MOB3B: variants seen among roughly 807,000 people sequenced by gnomAD.
The protein encoded by MOB3B is MOB kinase activator-like 2B.
MOB3B carries 7 observed loss-of-function variants against 18.7 expected under a neutral mutation model. The observed-to-expected ratio is 0.37, with a 90% CI of 0.21 to 0.70. MOB3B has a LOEUF of 0.70. Among genes scored for constraint, MOB3B ranks in the 30% least tolerant of loss-of-function variants. The pLI is 0.52. For synonymous variants in MOB3B, 111 were observed against 99.9 expected (o/e 1.11, Z -0.66); for missense variants, 253 against 281.3 (o/e 0.90, Z 0.72).
chr9:27,362,916 G>A lies in MOB3B; in HGVS notation c.419-3680C>T, dbSNP rs189512977. ...TGTTTTAAATAAACCTCAGAAGGTG[G>A]GACTTGGAAGAGGTTATCCCTTCAG... On this transcript the variant is annotated intron_variant, in intron 2 of 3. Coordinates refer to ENST00000262244, the MANE Select transcript of MOB3B (RefSeq NM_024761.5). 3.7e-3 allele frequency among the ~76,000 whole-genome samples: 568 copies of A among 152,290 alleles called. 4 individuals are homozygous for A. Among genetic ancestry groups the A allele is most frequent in the African/African-American group, 0.013 (533 of 41,546 alleles).
At chr9:27,389,678 G>A (rs1043108223) in intron 2 of MOB3B, among the ~76,000 whole-genome samples, 1 of 152,056 alleles carries the variant, frequency 6.6e-6, no homozygotes. Flanking sequence ...CTGAGGCCAG[G>A]GCTCTGTCTG....
At chr9:27,498,477 C>T (rs1040941590) in intron 1 of MOB3B, among the ~76,000 whole-genome samples, 5 of 152,088 alleles carry the variant, frequency 3.3e-5, no homozygotes, top group Non-Finnish European at 1.5e-5. Context: ...TGCAAATGCA[C>T]CTTTGGACAA....
chr9:27,515,245 A>G (rs1423993012), intron 1 of MOB3B, among the ~76,000 whole-genome samples: 3 of 152,158 alleles, frequency 2.0e-5, no homozygotes, highest in African/African-American at 7.2e-5. Flanking sequence ...GTTCTCTTGT[A>G]TCATATATAT....
chr9:27,412,015 AAAG>A (rs1282981743), intron 2 of MOB3B, among the ~76,000 whole-genome samples: 16 of 152,192 alleles, frequency 1.1e-4, no homozygotes, highest in Non-Finnish European at 1.9e-4. Context: ...TAAGATAAAA[AAAG>A]AAGATGCTTG....
intron 3 of MOB3B, among the ~76,000 whole-genome samples, chr9:27,337,085 G>A (rs916372681): frequency 1.3e-5 from 2 of 152,206 alleles, no homozygotes; most frequent in African/African-American, 4.8e-5. Flanking sequence ...ACTCAGATGG[G>A]ACATACCTGG....
chr9:27,390,991 G>C (rs1165971173), intron 2 of MOB3B, among the ~76,000 whole-genome samples: 2 of 152,200 alleles, frequency 1.3e-5, no homozygotes, highest in Admixed American at 6.5e-5. Context: ...CTCCAGAGCT[G>C]TGAGAAACTG....
At chr9:27,480,997 G>A (rs187520806) in intron 1 of MOB3B, among the ~76,000 whole-genome samples, 132 of 152,224 alleles carry the variant, frequency 8.7e-4, no homozygotes, top group African/African-American at 1.9e-3. Flanking sequence ...TAAGAATTGC[G>A]GGGAGGGATA....
At chr9:27,464,659 T>C (rs1819348696) in intron 1 of MOB3B, among the ~76,000 whole-genome samples, 1 of 152,228 alleles carries the variant, frequency 6.6e-6, no homozygotes, top group Non-Finnish European at 1.5e-5. Context: ...ATTTTCATGC[T>C]GCTGATAAAG....
At chr9:27,488,448 C>CACT (rs1294183433) in intron 1 of MOB3B, among the ~76,000 whole-genome samples, 12 of 152,146 alleles carry the variant, frequency 7.9e-5, no homozygotes, top group African/African-American at 2.9e-4. Flanking sequence ...CGCTCTGTTG[C>CACT]CCAGGCTGGA....
chr9:27,354,848 A>T (rs1821163225), intron 3 of MOB3B, among the ~76,000 whole-genome samples: 3 of 152,194 alleles, frequency 2.0e-5, no homozygotes, highest in African/African-American at 7.2e-5. Context: ...GACAGAAAAG[A>T]GGTCATGGGA....
intron 1 of MOB3B, among the ~76,000 whole-genome samples, chr9:27,528,407 C>T (rs1241289517): frequency 2.6e-5 from 4 of 152,400 alleles, no homozygotes; most frequent in African/African-American, 7.2e-5. Context: ...GAAAGCAGCA[C>T]CTTCTCGGAT....
At chr9:27,394,811 TA>T (rs1821777275) in intron 2 of MOB3B, among the ~76,000 whole-genome samples, 1 of 152,222 alleles carries the variant, frequency 6.6e-6, no homozygotes, top group African/African-American at 2.4e-5. Flanking sequence ...TAATAAAAAT[TA>T]GTAAAACATA....
intron 2 of MOB3B, among the ~76,000 whole-genome samples, chr9:27,425,564 A>T (rs1029201168): frequency 6.6e-6 from 1 of 152,174 alleles, no homozygotes; most frequent in African/African-American, 2.4e-5. Flanking sequence ...TTTCAGGGAA[A>T]CATGAATGTT....
At chr9:27,353,197 C>T (rs554998655) in intron 3 of MOB3B, among the ~76,000 whole-genome samples, 1 of 152,286 alleles carries the variant, frequency 6.6e-6, no homozygotes, top group Non-Finnish European at 1.5e-5. Flanking sequence ...CCAGCAGCAT[C>T]GATATCATCT....
At chr9:27,412,928 C>T (rs1355820147) in intron 2 of MOB3B, among the ~76,000 whole-genome samples, 3 of 152,196 alleles carry the variant, frequency 2.0e-5, no homozygotes, top group Middle Eastern at 3.2e-3. Flanking sequence ...ACATGGACCA[C>T]GCTGAGGGAC....
chr9:27,523,698 T>C (rs1820378202), intron 1 of MOB3B, among the ~76,000 whole-genome samples: 1 of 152,174 alleles, frequency 6.6e-6, no homozygotes, highest in African/African-American at 2.4e-5. Flanking sequence ...ACTTAGTAAG[T>C]GCCAGCTCTA....
At chr9:27,433,568 C>A (rs1294955362) in intron 2 of MOB3B, among the ~76,000 whole-genome samples, 1 of 152,126 alleles carries the variant, frequency 6.6e-6, no homozygotes, top group East Asian at 1.9e-4. Context: ...CTTCATGGGG[C>A]CAAGGATATC....
intron 2 of MOB3B, among the ~76,000 whole-genome samples, chr9:27,454,141 A>G (rs1822834379): frequency 6.6e-6 from 1 of 152,132 alleles, no homozygotes; most frequent in Non-Finnish European, 1.5e-5. Context: ...GTATAAACTT[A>G]ATTACTTCCA....
At chr9:27,380,684 C>A (rs1821564886) in intron 2 of MOB3B, among the ~76,000 whole-genome samples, 1 of 151,430 alleles carries the variant, frequency 6.6e-6, no homozygotes, top group South Asian at 2.1e-4. Context: ...GGCCCCTCCC[C>A]ACCCCCACCC....
Sources: gnomAD v4.1 joint callset for allele counts (sites outside exome capture counted in the v4.1 genomes callset) on GRCh38, gnomAD v4.1.1 for gene constraint, MANE v1.5 for transcripts, NCBI Gene and HGNC (gene_info 2026-07-23, HGNC 2026-07-21) for gene names.